AGPS: variants seen among roughly 807,000 people sequenced by gnomAD.
AGPS encodes the protein alkyldihydroxyacetonephosphate synthase, peroxisomal.
A neutral mutation model predicts 90.7 loss-of-function variants in AGPS; 26 were observed. The ratio of observed to expected loss-of-function variants is 0.29; its 90% CI spans 0.21 to 0.40. AGPS has a LOEUF of 0.40. AGPS is among the 10% of genes least tolerant of loss of function. The pLI is 1.00. For missense variants in AGPS, 540 were observed against 816.1 expected (o/e 0.66, Z 4.12); for synonymous variants, 294 against 285.3 (o/e 1.03, Z -0.31).
chr2:177,465,800 T>G (rs1041580829), intron 9 of AGPS, among the ~76,000 whole-genome samples: 3 of 152,242 alleles, frequency 2.0e-5, no homozygotes, highest in African/African-American at 7.2e-5. Context: ...TCTGGGCTCC[T>G]TGAAGGGCCA....
chr2:177,464,324 T>C (rs1687385159), intron 9 of AGPS, among the ~76,000 whole-genome samples: 1 of 152,212 alleles, frequency 6.6e-6, no homozygotes, highest in Non-Finnish European at 1.5e-5. Context: ...TTGTTTGCTT[T>C]TATGACAATT....
chr2:177,529,744 C>CT (rs2079120949), intron 19 of AGPS, among the ~76,000 whole-genome samples: 1 of 152,140 alleles, frequency 6.6e-6, no homozygotes, highest in African/African-American at 2.4e-5. Flanking sequence ...TTCATTCGAA[C>CT]TTTTTGTCTT....
At chr2:177,441,119 C>A (rs1169143429) in intron 6 of AGPS, 83 bp downstream of exon 6, 1 of 1,157,998 alleles carries the variant, frequency 8.6e-7, no homozygotes, top group Non-Finnish European at 1.3e-6. Context: ...CGTCACCCTA[C>A]TGAAAACAAA....
At chr2:177,514,258 C>A (rs1387299319) in intron 17 of AGPS, among the ~76,000 whole-genome samples, 1 of 152,116 alleles carries the variant, frequency 6.6e-6, no homozygotes, top group African/African-American at 2.4e-5. Context: ...ACATACTCAA[C>A]ATGACTCTGA....
intron 1 of AGPS, among the ~76,000 whole-genome samples, chr2:177,411,310 T>A (rs1472694918): frequency 6.6e-6 from 1 of 152,218 alleles, no homozygotes; most frequent in African/African-American, 2.4e-5. Flanking sequence ...CCTCCCTTAG[T>A]CTCTCCAGAA....
chr2:177,489,583 G>T (rs7568487), intron 11 of AGPS, among the ~76,000 whole-genome samples: 1 of 152,102 alleles, frequency 6.6e-6, no homozygotes, highest in Admixed American at 6.5e-5. Context: ...TATCCATGTT[G>T]TGAAGTCATC....
At chr2:177,408,362 A>G (rs1685520939) in intron 1 of AGPS, among the ~76,000 whole-genome samples, 1 of 152,224 alleles carries the variant, frequency 6.6e-6, no homozygotes, top group Non-Finnish European at 1.5e-5. Context: ...AAGGAAAGTT[A>G]TTTGATAAAT....
chr2:177,393,505 C>T (rs1411954620), intron 1 of AGPS: 2 of 985,048 alleles, frequency 2.0e-6, no homozygotes, highest in African/African-American at 1.8e-5. Flanking sequence ...CTGGTGGTGC[C>T]CTGGAAAAAG....
chr2:177,491,100 C>T (rs1688241361), intron 11 of AGPS, among the ~76,000 whole-genome samples: 1 of 150,308 alleles, frequency 6.7e-6, no homozygotes, highest in Admixed American at 6.7e-5. Flanking sequence ...GGTGATCCAC[C>T]GCCTCAGCCT....
intron 1 of AGPS, among the ~76,000 whole-genome samples, chr2:177,416,834 T>C (rs1006015304): frequency 6.6e-6 from 1 of 152,174 alleles, no homozygotes; most frequent in Non-Finnish European, 1.5e-5. Flanking sequence ...TGGCCCGGTC[T>C]TGTTTTTTGA....
At position 177,520,477 on chromosome 2, in the gene AGPS, T is replaced by A. The variant is rs1689148387; in HGVS notation, c.1698-792T>A. ...ATGAAAGGAACCAGGTTTCTTGTTT[T>A]GAGTCTAATTTTGCCTTTTTCAAGG... On this transcript the variant is annotated intron_variant, in intron 17 of 19. Transcript: ENST00000264167. Among the ~76,000 whole-genome samples the A allele has an allele frequency of 2.0e-5, 3 of 152,244 alleles. No individual in the cohort carries two copies. In the South Asian group the frequency reaches 6.2e-4, roughly 32 times the overall value.
rs1009233505 is a variant in AGPS at position 177,542,565 on chromosome 2, A to G, written c.*4370A>G. On this transcript the variant is annotated 3_prime_UTR_variant, in exon 20 of 20. Coordinates refer to ENST00000264167, the MANE Select transcript of AGPS (RefSeq NM_003659.4). ...TTTTCCACAAGGAAAAACATCTTGC[A>G]GAGACTCTGAATTCCAAATCTGAGT... 2.0e-5 allele frequency: 3 copies of G among 152,206 alleles called. No homozygotes were observed. Among genetic ancestry groups the G allele is most frequent in the Non-Finnish European group, 4.4e-5 (3 of 68,024 alleles). The allele number at this position is 152,206 out of a possible 1,614,324, so 9.4% of individuals were successfully genotyped here.
rs572810937 is a variant in AGPS at position 177,412,415 on chromosome 2, C to T, written c.261-7854C>T. 8.9e-4 allele frequency among the ~76,000 whole-genome samples: 135 copies of T among 152,206 alleles called. 3 individuals carry two copies. The highest frequency in any genetic ancestry group is 5.1e-4 in the African/African-American group (21 of 41,534). On this transcript the variant is annotated intron_variant, in intron 1 of 19. Transcript: ENST00000264167. ...TTGGCTTCCCCAGGAAAATTGAAAGCGCAAGCTGGTTCCAGGCAGATCAAT... is the reference window on the plus strand; with the variant it reads ...TTGGCTTCCCCAGGAAAATTGAAAGTGCAAGCTGGTTCCAGGCAGATCAAT...
intron 2 of AGPS, among the ~76,000 whole-genome samples, chr2:177,432,352 A>G (rs1384951015): frequency 6.6e-6 from 1 of 152,268 alleles, no homozygotes; most frequent in African/African-American, 2.4e-5. Context: ...AGATCCATTC[A>G]GTAGTCACTG....
At chr2:177,430,624 C>G (rs1404870669) in intron 2 of AGPS, among the ~76,000 whole-genome samples, 2 of 152,036 alleles carry the variant, frequency 1.3e-5, no homozygotes, top group African/African-American at 2.4e-5. Flanking sequence ...CCATGCTTCT[C>G]CCACTTGGAT....
intron 1 of AGPS, among the ~76,000 whole-genome samples, chr2:177,394,545 C>T (rs1009115089): frequency 6.6e-6 from 1 of 152,066 alleles, no homozygotes; most frequent in South Asian, 2.1e-4. Flanking sequence ...CAGGATTTTA[C>T]GTGGGGCAAT....
intron 1 of AGPS, among the ~76,000 whole-genome samples, chr2:177,417,146 A>G (rs1336774212): frequency 6.6e-6 from 1 of 152,218 alleles, no homozygotes; most frequent in African/African-American, 2.4e-5. Flanking sequence ...CAGGGTGAGC[A>G]TCCTTAATTT....
rs1686744900 is a variant in AGPS at position 177,445,541 on chromosome 2, A to G, written c.790-5A>G. The G allele has an allele frequency of 6.2e-7, 1 of 1,612,170 alleles. No individual in the cohort carries two copies. Among genetic ancestry groups the G allele is most frequent in the Non-Finnish European group, 8.5e-7 (1 of 1,178,374 alleles). On this transcript the variant is annotated splice_region_variant and splice_polypyrimidine_tract_variant and intron_variant, in intron 7 of 19. Transcript: ENST00000264167. ...AGATCAGATTTCTTTCTTCCTTTGCAACAGAATCGAATTCTCTGGGTTGAT... is the reference window on the plus strand; with the variant it reads ...AGATCAGATTTCTTTCTTCCTTTGCGACAGAATCGAATTCTCTGGGTTGAT...
chr2:177,435,752 T>C (rs1234227924), intron 3 of AGPS, among the ~76,000 whole-genome samples: 1 of 152,244 alleles, frequency 6.6e-6, no homozygotes, highest in African/African-American at 2.4e-5. Context: ...AAATACTGTA[T>C]GATAGCTTCC....
Sources: allele counts gnomAD v4.1 joint callset (sites outside exome capture counted in the v4.1 genomes callset), GRCh38; gene constraint gnomAD v4.1.1; transcripts MANE v1.5; gene names NCBI Gene and HGNC (gene_info 2026-07-23, HGNC 2026-07-21).